Variants in GPM6A observed in about 807,000 individuals in gnomAD.
GPM6A encodes glycoprotein M6A.
Under a neutral mutation model 32.1 loss-of-function variants are expected in GPM6A, and 7 were observed. The observed-to-expected ratio is 0.22, with a 90% CI of 0.12 to 0.41. GPM6A has a LOEUF of 0.41. Ranked by LOEUF, GPM6A falls within the 10% of genes least tolerant of loss-of-function variation. The pLI, the probability that GPM6A is intolerant of heterozygous loss-of-function variation, is 1.00. For missense variants in GPM6A, 235 were observed against 347.2 expected (o/e 0.68, Z 2.57); for synonymous variants, 130 against 123.4 (o/e 1.05, Z -0.35).
intron 1 of GPM6A, among the ~76,000 whole-genome samples, chr4:175,761,150 A>C (rs977190563): frequency 4.6e-5 from 7 of 152,046 alleles, no homozygotes; most frequent in Non-Finnish European, 8.8e-5. Context: ...TTAGCGCAAA[A>C]ATTTTTGTTT....
chr4:175,826,812 A>C (rs1735453390), intron 1 of GPM6A, among the ~76,000 whole-genome samples: 1 of 152,082 alleles, frequency 6.6e-6, no homozygotes, highest in Non-Finnish European at 1.5e-5. Context: ...AGAGATCACT[A>C]GCCTTTTAGG....
chr4:175,827,527 C>T (rs1169840341), intron 1 of GPM6A, among the ~76,000 whole-genome samples: 4 of 152,210 alleles, frequency 2.6e-5, no homozygotes, highest in African/African-American at 9.7e-5. Flanking sequence ...TAAACCTGCG[C>T]TCTTCATCAT....
chr4:175,716,198 T>C (rs184863778), intron 1 of GPM6A, among the ~76,000 whole-genome samples: 1 of 152,306 alleles, frequency 6.6e-6, no homozygotes, highest in East Asian at 1.9e-4. Flanking sequence ...AACAACCAAC[T>C]AAGACAGATC....
intron 1 of GPM6A, among the ~76,000 whole-genome samples, chr4:176,000,989 C>T (rs1284403616): frequency 6.6e-6 from 1 of 152,168 alleles, no homozygotes; most frequent in Non-Finnish European, 1.5e-5. Flanking sequence ...AAAAATGGGT[C>T]CTTCTAAGAC....
chr4:175,806,273 T>G (rs1734691339), intron 1 of GPM6A, among the ~76,000 whole-genome samples: 1 of 152,238 alleles, frequency 6.6e-6, no homozygotes, highest in Admixed American at 6.5e-5. Flanking sequence ...CTAAAAATCA[T>G]GTCTTAGAAG....
chr4:175,699,651 T>G (rs1344524534), intron 2 of GPM6A, among the ~76,000 whole-genome samples: 1 of 152,158 alleles, frequency 6.6e-6, no homozygotes. Context: ...CATGTATGTG[T>G]GGGGGGTGGA....
At chr4:175,791,761 A>T (rs942207421) in intron 1 of GPM6A, among the ~76,000 whole-genome samples, 3 of 152,108 alleles carry the variant, frequency 2.0e-5, no homozygotes, top group African/African-American at 7.2e-5. Flanking sequence ...CCATTTATTC[A>T]CACACACACG....
chr4:175,864,012 GA>G (rs199924893), intron 1 of GPM6A, among the ~76,000 whole-genome samples: 1 of 151,148 alleles, frequency 6.6e-6, no homozygotes, highest in African/African-American at 2.4e-5. Context: ...GAAAAAAAAA[GA>G]AAAAAAAATT....
intron 1 of GPM6A, among the ~76,000 whole-genome samples, chr4:175,848,677 T>G (rs1485801473): frequency 1.3e-5 from 2 of 152,204 alleles, no homozygotes; most frequent in African/African-American, 4.8e-5. Flanking sequence ...ATGAGAATAT[T>G]AACAATTTGC....
intron 1 of GPM6A, among the ~76,000 whole-genome samples, chr4:175,803,153 C>A (rs1390506005): frequency 7.7e-6 from 1 of 130,238 alleles, no homozygotes; most frequent in Non-Finnish European, 1.6e-5. Flanking sequence ...TCTTTCTCCT[C>A]CTGTTCTCGT....
intron 1 of GPM6A, among the ~76,000 whole-genome samples, chr4:175,733,960 G>A (rs1162542068): frequency 6.6e-6 from 1 of 151,898 alleles, no homozygotes; most frequent in Non-Finnish European, 1.5e-5. Context: ...TCCCAAACAT[G>A]GTAACTCCTA....
At chr4:175,816,213 A>G (rs751591349), upstream of GPM6A, among the ~76,000 whole-genome samples, 1 of 152,176 alleles carries the variant, frequency 6.6e-6, no homozygotes, top group Non-Finnish European at 1.5e-5. Flanking sequence ...TAAAACAAAT[A>G]TAAGTTAACT....
chr4:175,791,922 A>G (rs1377123973), intron 1 of GPM6A, among the ~76,000 whole-genome samples: 1 of 152,154 alleles, frequency 6.6e-6, no homozygotes, highest in Non-Finnish European at 1.5e-5. Context: ...CCTATTTTTT[A>G]AATCAAATTG....
intron 1 of GPM6A, among the ~76,000 whole-genome samples, chr4:175,742,309 T>C (rs1198300875): frequency 6.6e-6 from 1 of 152,114 alleles, no homozygotes; most frequent in African/African-American, 2.4e-5. Context: ...AATTCTCTAT[T>C]ACATCATGGA....
intron 3 of GPM6A, among the ~76,000 whole-genome samples, chr4:175,668,697 G>C (rs1742888671): frequency 6.6e-6 from 1 of 152,066 alleles, no homozygotes; most frequent in African/African-American, 2.4e-5. Context: ...CTCACATCCT[G>C]CAGAGCATTC....
At chr4:175,972,133 TTCAC>T (rs1740521606) in intron 1 of GPM6A, 2 of 152,176 alleles carry the variant, frequency 1.3e-5, no homozygotes, top group Non-Finnish European at 2.9e-5. Context: ...TATTCATCAG[TTCAC>T]TCAAAGAACC....
chr4:175,727,065 T>A (rs994103670), intron 1 of GPM6A, among the ~76,000 whole-genome samples: 1 of 152,086 alleles, frequency 6.6e-6, no homozygotes, highest in Non-Finnish European at 1.5e-5. Flanking sequence ...TAAATTTTAA[T>A]ACCCCAAAAG....
At chr4:175,695,761 G>A (rs1374327560) in intron 2 of GPM6A, among the ~76,000 whole-genome samples, 2 of 152,112 alleles carry the variant, frequency 1.3e-5, no homozygotes, top group Non-Finnish European at 2.9e-5. Flanking sequence ...AAACATAATT[G>A]TATTTGGCAA....
intron 1 of GPM6A, among the ~76,000 whole-genome samples, chr4:175,983,443 G>C (rs745588581): frequency 6.6e-6 from 1 of 152,134 alleles, no homozygotes; most frequent in African/African-American, 2.4e-5. Context: ...CCTTTAACAG[G>C]TTAAGGAAGT....
Sources: gnomAD v4.1 joint callset for allele counts (sites outside exome capture counted in the v4.1 genomes callset) on GRCh38, gnomAD v4.1.1 for gene constraint, MANE v1.5 for transcripts, NCBI Gene and HGNC (gene_info 2026-07-23, HGNC 2026-07-21) for gene names.